COQ4: variants seen among roughly 807,000 people sequenced by gnomAD.
COQ4 encodes the protein ubiquinone biosynthesis protein COQ4 homolog, mitochondrial.
COQ4 carries 36 observed loss-of-function variants against 30.2 expected under a neutral mutation model. The ratio of observed to expected loss-of-function variants is 1.19; its 90% CI spans 0.91 to 1.57. The LOEUF is 1.57. Ranked by LOEUF, COQ4 falls within the 40% of genes most tolerant of loss-of-function variation. The probability of loss-of-function intolerance (pLI) is 0.00; values close to 1 mark genes in which losing one functional copy is unlikely to be tolerated. For synonymous variants in COQ4, 197 were observed against 161.0 expected, an observed-to-expected ratio of 1.22 and a Z score of -1.69; for missense variants, 369 against 371.9, an observed-to-expected ratio of 0.99 and a Z score of 0.07.
At chr9:128,325,054 T>C in intron 2 of COQ4, 89 bp from the exon 3 acceptor site, 1 of 873,392 alleles carries the variant, frequency 1.1e-6, no homozygotes. Flanking sequence ...TCATCCCTAA[T>C]TTATCCTGTA....
chr9:128,327,525 C>T (rs182893120), intron 4 of COQ4, among the ~76,000 whole-genome samples: 2 of 152,250 alleles, frequency 1.3e-5, no homozygotes, highest in East Asian at 3.9e-4. Flanking sequence ...CTGGTCCATG[C>T]GTGTTGGCTC....
chr9:128,331,944 GTGT>G, intron 4 of COQ4: 1 of 519,080 alleles, frequency 1.9e-6, no homozygotes, highest in Admixed American at 3.3e-5. Context: ...GGTCAGGCTG[GTGT>G]TGAACTCCTG....
In COQ4 at chr9:128,330,624, G is replaced by A. The variant is rs1350944047; in HGVS notation, c.403-1529G>A. On this transcript the variant is annotated intron_variant, in intron 4 of 6. Transcript: ENST00000300452. The stretch of plus-strand genomic sequence containing the variant: ...TTCTCTTGTCTCAGCCTCCCAAGTA[G>A]CTGGGATTACAGGCACCCGCCACCA... 2.0e-5 allele frequency: 3 copies of A among 151,730 alleles called. No individual in the cohort carries two copies. In the East Asian group the frequency reaches 6.0e-4, roughly 30 times the overall value. The allele number at this position is 151,730 out of a possible 1,614,324, so 9.4% of individuals were successfully genotyped here. A position where few individuals can be genotyped will look rare whatever the true frequency, so the allele number is the denominator to read the frequency against.
At position 128,325,468 on chromosome 9, in the gene COQ4, CAG is replaced by C. The variant is rs1190599614; in HGVS notation, c.299+230_299+231del. 7.2e-5 allele frequency among the ~76,000 whole-genome samples: 11 copies of C among 152,322 alleles called. No homozygotes were observed. The East Asian group carries it at 2.1e-3, about 29-fold the overall frequency. ...GATAGCCTTGGCCCAGTTTCAACCACAGGGCTCTGTGCCTTCATTAAGTTCCC... is the reference window on the plus strand; with the variant it reads ...GATAGCCTTGGCCCAGTTTCAACCACGGCTCTGTGCCTTCATTAAGTTCCC... On this transcript the variant is annotated intron_variant, in intron 3 of 6. Coordinates refer to ENST00000300452, the MANE Select transcript of COQ4 (RefSeq NM_016035.5).
At position 128,323,027 on chromosome 9, in the gene COQ4, C is replaced by T. The variant is rs780928135; in HGVS notation, c.82C>T (p.Arg28Trp). ...LQRPAAEMPL[R>W]ARSDGAGPLY... ...TTCTTGCCCCGCAGAAATGCCCCTCCGGGCTAGGAGCGACGGCGCCGGCCC... is the reference window on the plus strand; with the variant it reads ...TTCTTGCCCCGCAGAAATGCCCCTCTGGGCTAGGAGCGACGGCGCCGGCCC... Residue 28 changes from arginine (R) to tryptophan (W), a missense_variant, in exon 2 of 7, where the codon CGG becomes TGG. Arg to Trp is a moderately radical substitution (Grantham distance 101). Coordinates refer to ENST00000300452, the MANE Select transcript of COQ4 (RefSeq NM_016035.5). The T allele has an allele frequency of 6.2e-7, 1 of 1,611,914 alleles. No individual in the cohort carries two copies. The highest frequency in any genetic ancestry group is 2.2e-5 in the East Asian group (1 of 44,858).
chr9:128,327,071 G>T (rs969345931), intron 4 of COQ4, among the ~76,000 whole-genome samples: 3 of 152,130 alleles, frequency 2.0e-5, no homozygotes, highest in African/African-American at 7.2e-5. Context: ...GTGTACAGGG[G>T]ATATAATGGT....
At chr9:128,333,054 G>A (rs1022187261) in intron 6 of COQ4, 111 bp downstream of exon 6, 13 of 786,154 alleles carry the variant, frequency 1.7e-5, no homozygotes, top group African/African-American at 8.5e-5. Flanking sequence ...TGCACAGCCC[G>A]TTCCAGTTCT....
In COQ4 at chr9:128,325,849, G is replaced by A. The variant is rs776825296; in HGVS notation, c.370G>A (p.Gly124Ser). ...CCAGAGCCTGCCGGAAGGCTCCCTCGGTCGCGAGTATCTCCGTTTCCTGGA... is the reference window on the plus strand; with the variant it reads ...CCAGAGCCTGCCGGAAGGCTCCCTCAGTCGCGAGTATCTCCGTTTCCTGGA... ...KLQSLPEGSL[G>S]REYLRFLDVN... Residue 124 changes from glycine (G) to serine (S), a missense_variant, in exon 4 of 7, where the codon GGT (glycine) becomes AGT (serine). Physicochemically the swap from Gly to Ser is moderately conservative, Grantham distance 56. Transcript: ENST00000300452. 27 of 1,614,054 alleles carry A rather than the reference G, an allele frequency of 1.7e-5. No individual in the cohort carries two copies. In the East Asian group the frequency reaches 4.9e-4, roughly 29 times the overall value.
chr9:128,327,183 A>G (rs919050224), intron 4 of COQ4, among the ~76,000 whole-genome samples: 3 of 152,124 alleles, frequency 2.0e-5, no homozygotes, highest in Non-Finnish European at 4.4e-5. Context: ...AGTGGCTCAC[A>G]TCTGTAATCC....
At position 128,322,880 on chromosome 9, in the gene COQ4, G is replaced by A; in HGVS notation, c.22G>A (p.Val8Ile). The change falls in exon 1 of 7, where the codon GTC becomes ATC. Residue 8 changes from valine to isoleucine, a missense_variant. Physicochemically the swap from Val to Ile is conservative, Grantham distance 29 (BLOSUM62 3). Coordinates refer to ENST00000300452, the MANE Select transcript of COQ4 (RefSeq NM_016035.5). Reference protein sequence around the residue: MATLLRPVLRRLCGLPGL... With the variant: MATLLRPILRRLCGLPGL... ...TGCCATGGCGACTCTGCTGCGCCCT[G>A]TCCTCCGTCGGCTCTGCGGGCTCCC... 1 of 1,584,876 alleles carries A rather than the reference G, an allele frequency of 6.3e-7. No homozygotes were observed. The highest frequency in any genetic ancestry group is 8.6e-7 in the Non-Finnish European group (1 of 1,169,560).
intron 6 of COQ4, among the ~76,000 whole-genome samples, 193 bp from the exon 7 acceptor site, chr9:128,333,281 T>C (rs1286500655): frequency 2.0e-5 from 3 of 152,154 alleles, no homozygotes; most frequent in Non-Finnish European, 2.9e-5. Flanking sequence ...AGCTTCGACA[T>C]GTTCAAGATG....
intron 4 of COQ4, chr9:128,326,475 CT>C (rs1832323373): frequency 6.6e-6 from 1 of 152,314 alleles, no homozygotes; most frequent in East Asian, 1.9e-4. Context: ...TTTTGAGTCG[CT>C]CTGTCGCCCA....
At chr9:128,332,791 C>A in intron 5 of COQ4, 59 bp from the exon 6 acceptor site, 1 of 1,229,494 alleles carries the variant, frequency 8.1e-7, no homozygotes, top group Non-Finnish European at 1.2e-6. Context: ...CTGCTGTGAG[C>A]ACCACTGGCC....
At chr9:128,323,593 G>C (rs1428019172) in intron 2 of COQ4, 7 of 384,492 alleles carry the variant, frequency 1.8e-5, no homozygotes, top group Non-Finnish European at 2.3e-5. Flanking sequence ...AACATTCTAG[G>C]GTTCTACAGT....
chr9:128,324,764 A>G (rs1832288289), intron 2 of COQ4, among the ~76,000 whole-genome samples: 1 of 150,622 alleles, frequency 6.6e-6, no homozygotes, highest in Non-Finnish European at 1.5e-5. Context: ...AACAAAACAA[A>G]ACAGAAATGT....
intron 2 of COQ4, among the ~76,000 whole-genome samples, chr9:128,323,931 C>T (rs1046964661): frequency 6.6e-6 from 1 of 152,196 alleles, no homozygotes. Flanking sequence ...GGCGACAGAG[C>T]GAGACCCTGT....
intron 3 of COQ4, among the ~76,000 whole-genome samples, 197 bp downstream of exon 3, chr9:128,325,436 GCAGTGTGATA>G (rs1180613847): frequency 6.6e-6 from 1 of 152,222 alleles, no homozygotes; most frequent in Non-Finnish European, 1.5e-5. Flanking sequence ...TCCGAGTTGT[GCAGTGTGATA>G]GCCTTGGCCC....
chr9:128,325,877 T>G lies in COQ4; in HGVS notation c.398T>G (p.Val133Gly). ...LGREYLRFLD[V>G]NRVSPDTRAP... is the part of the protein sequence containing the mutation. ...CGCGAGTATCTCCGTTTCCTGGATGTGAACGTGAGTTTTCAGCTCCTGTGT... is the reference window on the plus strand; with the variant it reads ...CGCGAGTATCTCCGTTTCCTGGATGGGAACGTGAGTTTTCAGCTCCTGTGT... The change falls in exon 4 of 7, where the codon GTG becomes GGG. Residue 133 changes from valine to glycine, a missense_variant. Physicochemically the swap from Val to Gly is moderately radical, Grantham distance 109. Transcript: ENST00000300452. The G allele has an allele frequency of 6.2e-7, 1 of 1,613,852 alleles. No homozygotes were observed. Among genetic ancestry groups the G allele is most frequent in the Non-Finnish European group, 8.5e-7 (1 of 1,179,768 alleles).
At position 128,322,876 on chromosome 9, in the gene COQ4, C is replaced by G; in HGVS notation, c.18C>G (p.Arg6=). ...CCGCTGCCATGGCGACTCTGCTGCG[C>G]CCTGTCCTCCGTCGGCTCTGCGGGC... The part of the protein sequence containing the change: MATLL[R]PVLRRLCGLP... The change falls in exon 1 of 7, where the codon CGC becomes CGG. Residue 6 remains arginine (R), a synonymous_variant. Coordinates refer to ENST00000300452, the MANE Select transcript of COQ4 (RefSeq NM_016035.5). 2 of 1,582,694 alleles carry G rather than the reference C, an allele frequency of 1.3e-6. No individual in the cohort carries two copies. The highest frequency in any genetic ancestry group is 4.6e-5 in the East Asian group (2 of 43,498).
Sources: allele counts gnomAD v4.1 joint callset (sites outside exome capture counted in the v4.1 genomes callset), GRCh38; gene constraint gnomAD v4.1.1; transcripts MANE v1.5; gene names NCBI Gene and HGNC (gene_info 2026-07-23, HGNC 2026-07-21).